The following ERICH6B variants were observed in gnomAD, a reference collection of about 807,000 sequenced individuals.
ERICH6B encodes the protein glutamate rich 6B, also known as glutamate-rich protein 6B.
ERICH6B carries 69 observed loss-of-function variants against 80.0 expected under a neutral mutation model. The observed-to-expected ratio is 0.86, with a 90% CI of 0.71 to 1.05. The LOEUF (loss-of-function observed/expected upper bound fraction) is 1.05, where lower values mean the gene tolerates loss of function less well. Among genes scored for constraint, ERICH6B ranks in the 50% least tolerant of loss-of-function variants. The pLI is 0.00. For missense variants in ERICH6B, 754 were observed against 796.1 expected (o/e 0.95, Z 0.64); for synonymous variants, 283 against 291.9 (o/e 0.97, Z 0.31).
At chr13:45,600,112 G>A (rs1159321451) in intron 2 of ERICH6B, among the ~76,000 whole-genome samples, 1 of 152,178 alleles carries the variant, frequency 6.6e-6, no homozygotes, top group Non-Finnish European at 1.5e-5. Context: ...GTCTGCAGAC[G>A]CCTCTTCCAT....
At chr13:45,608,850 C>A (rs978162210) in intron 1 of ERICH6B, among the ~76,000 whole-genome samples, 1 of 152,178 alleles carries the variant, frequency 6.6e-6, no homozygotes, top group South Asian at 2.1e-4. Context: ...GAAAAATTCA[C>A]TGAGACGTTG....
At chr13:45,586,379 A>G in intron 5 of ERICH6B, among the ~76,000 whole-genome samples, 1 of 152,190 alleles carries the variant, frequency 6.6e-6, no homozygotes, top group Non-Finnish European at 1.5e-5. Context: ...TCAGTGATGG[A>G]TCGATCCCAC....
chr13:45,590,432 T>A (rs112912407), intron 4 of ERICH6B, among the ~76,000 whole-genome samples: 7 of 152,170 alleles, frequency 4.6e-5, no homozygotes, highest in African/African-American at 1.7e-4. Context: ...CTCTAGTGGT[T>A]CTGAGTACCC....
chr13:45,588,901 T>C (rs554162173), intron 4 of ERICH6B, among the ~76,000 whole-genome samples: 1 of 151,944 alleles, frequency 6.6e-6, no homozygotes, highest in African/African-American at 2.4e-5. Flanking sequence ...TGCTGGGGAG[T>C]TGGACCACTC....
intron 5 of ERICH6B, among the ~76,000 whole-genome samples, chr13:45,583,491 C>T (rs1478121578): frequency 2.0e-5 from 3 of 152,176 alleles, no homozygotes; most frequent in East Asian, 3.8e-4. Flanking sequence ...AAATCTGAGT[C>T]CACTGAAGGA....
intron 13 of ERICH6B, among the ~76,000 whole-genome samples, 180 bp from the exon 14 acceptor site, chr13:45,545,165 G>A (rs1248170802): frequency 6.6e-6 from 1 of 152,160 alleles, no homozygotes; most frequent in South Asian, 2.1e-4. Flanking sequence ...CCCTGCGCTG[G>A]CCTCACCATA....
chr13:45,601,833 A>G (rs1949829360), intron 2 of ERICH6B, among the ~76,000 whole-genome samples: 1 of 152,200 alleles, frequency 6.6e-6, no homozygotes, highest in Non-Finnish European at 1.5e-5. Flanking sequence ...TGGGGCAAAC[A>G]TCCTGGCTCC....
chr13:45,572,170 T>G (rs770395112), intron 8 of ERICH6B, among the ~76,000 whole-genome samples: 6 of 152,210 alleles, frequency 3.9e-5, no homozygotes, highest in Non-Finnish European at 8.8e-5. Context: ...AAATAGAACT[T>G]TCTACCTCAC....
chr13:45,574,770 C>T, intron 8 of ERICH6B, 72 bp downstream of exon 8: 1 of 1,215,594 alleles, frequency 8.2e-7, no homozygotes, highest in South Asian at 1.3e-5. Flanking sequence ...GCCAGCTTGC[C>T]TGGGCTAGGC....
At chr13:45,579,364 A>T (rs1875559178) in intron 7 of ERICH6B, among the ~76,000 whole-genome samples, 2 of 152,230 alleles carry the variant, frequency 1.3e-5, no homozygotes, top group Non-Finnish European at 2.9e-5. Context: ...AACAGATCTT[A>T]GTCCCTAAAT....
intron 8 of ERICH6B, 29 bp downstream of exon 8, chr13:45,574,813 G>T (rs1456610542): frequency 1.3e-5 from 19 of 1,507,282 alleles, no homozygotes; most frequent in East Asian, 9.8e-5. Flanking sequence ...GAAGCTGGGG[G>T]GGGGGTCTCA....
In ERICH6B at chr13:45,579,853, C is replaced by T. The variant is rs1875581750; in HGVS notation, c.961+80G>A. 3.6e-6 allele frequency: 5 copies of T among 1,406,442 alleles called. No homozygotes were observed. In the Admixed American group the frequency reaches 7.9e-5, roughly 22 times the overall value. The allele number at this position is 1,406,442 out of a possible 1,614,324, so 87.1% of individuals were successfully genotyped here. ...GGTCATGCTGGATCAGAGAGGGAGC[C>T]ACCTGCTAGGGGCACCTTCCCCACC... is the stretch of plus-strand genomic sequence containing the variant. On this transcript the variant is annotated intron_variant, in intron 7 of 14. Transcript: ENST00000298738.
At chr13:45,572,577 A>G (rs2985937) in intron 8 of ERICH6B, among the ~76,000 whole-genome samples, 51,057 of 152,066 alleles carry the variant, frequency 0.34, 9,691 homozygotes, top group East Asian at 0.59. Context: ...CTCTCTACAC[A>G]TGAAACAATA....
At chr13:45,563,292 A>G (rs1443950514) in intron 10 of ERICH6B, among the ~76,000 whole-genome samples, 1 of 152,088 alleles carries the variant, frequency 6.6e-6, no homozygotes, top group Non-Finnish European at 1.5e-5. Flanking sequence ...GGGCCTAACC[A>G]TTCTATATGG....
chr13:45,551,062 A>G (rs13378620), intron 11 of ERICH6B, among the ~76,000 whole-genome samples: 15,266 of 152,204 alleles, frequency 0.1, 1,005 homozygotes, highest in African/African-American at 0.17. Context: ...TTTCTAGAAA[A>G]TTGTTCATTT....
In ERICH6B at chr13:45,546,560, C is replaced by T. The variant is rs183996101; in HGVS notation, c.1647-1575G>A. 1.3e-3 allele frequency among the ~76,000 whole-genome samples: 197 copies of T among 152,294 alleles called. 1 individual carries two copies. The Middle Eastern group carries it at 0.024, about 18-fold the overall frequency. ...GACGCCCGTAGCTCCCTACACATTC[C>T]TTCCAGGGCACGTGTACTTTTTCCC... On this transcript the variant is annotated intron_variant, in intron 13 of 14. Coordinates refer to ENST00000298738, the MANE Select transcript of ERICH6B (RefSeq NM_182542.3).
At chr13:45,565,331 T>C (rs558440219) in intron 9 of ERICH6B, among the ~76,000 whole-genome samples, 2 of 152,280 alleles carry the variant, frequency 1.3e-5, no homozygotes, top group Admixed American at 6.5e-5. Flanking sequence ...CTCTCCCTGG[T>C]GCCACTGCTG....
chr13:45,590,767 G>A (rs556045658), intron 3 of ERICH6B, 70 bp from the exon 4 acceptor site: 5 of 1,352,006 alleles, frequency 3.7e-6, no homozygotes, highest in South Asian at 2.6e-5. Context: ...AAAATACGTT[G>A]TTAAGTACGT....
chr13:45,579,693 A>G (rs896840641), intron 7 of ERICH6B, among the ~76,000 whole-genome samples: 3 of 152,120 alleles, frequency 2.0e-5, no homozygotes, highest in Non-Finnish European at 4.4e-5. Flanking sequence ...CCCTATCCCA[A>G]GCTTTTGAGT....
Sources: allele counts gnomAD v4.1 joint callset (sites outside exome capture counted in the v4.1 genomes callset), GRCh38; gene constraint gnomAD v4.1.1; transcripts MANE v1.5; gene names NCBI Gene and HGNC (gene_info 2026-07-23, HGNC 2026-07-21).